Variants in XRCC5 observed in about 807,000 individuals in gnomAD.
XRCC5 encodes the protein DNA repair protein Ku80.
In XRCC5, 12 loss-of-function variants were observed where a neutral mutation model predicts 95.7. The observed-to-expected ratio is 0.13, with a 90% CI of 0.08 to 0.20. The LOEUF is 0.20. XRCC5 is among the 10% of genes least tolerant of loss of function. XRCC5 has a pLI of 1.00. For synonymous variants in XRCC5, 281 were observed against 290.3 expected (o/e 0.97, Z 0.33); for missense variants, 595 against 873.9 (o/e 0.68, Z 4.02).
intron 14 of XRCC5, among the ~76,000 whole-genome samples, chr2:216,153,541 TTAAGTGCTTTACATGATGC>T (rs1454145947): frequency 1.3e-5 from 2 of 152,234 alleles, no homozygotes; most frequent in Non-Finnish European, 2.9e-5. Flanking sequence ...ACTTAATATG[TTAAGTGCTTTACATGATGC>T]TAAGTGCTTT....
intron 13 of XRCC5, among the ~76,000 whole-genome samples, chr2:216,147,870 C>G (rs1466254538): frequency 6.6e-6 from 1 of 152,166 alleles, no homozygotes; most frequent in Non-Finnish European, 1.5e-5. Context: ...GATACTGTTG[C>G]TAGGCTTGGA....
intron 8 of XRCC5, 141 bp from the exon 9 acceptor site, chr2:216,130,734 C>CA (rs1376021375): frequency 1.8e-6 from 1 of 560,996 alleles, no homozygotes; most frequent in Non-Finnish European, 3.1e-6. Context: ...TCACAAGGGG[C>CA]AGTCATCTGA....
At chr2:216,142,311 A>G (rs1697185429) in intron 13 of XRCC5, among the ~76,000 whole-genome samples, 1 of 152,236 alleles carries the variant, frequency 6.6e-6, no homozygotes, top group South Asian at 2.1e-4. Context: ...ACATTTCTCA[A>G]AAATTTCATA....
At chr2:216,185,710 CTG>C (rs1314123836) in intron 16 of XRCC5, among the ~76,000 whole-genome samples, 7 of 146,892 alleles carry the variant, frequency 4.8e-5, no homozygotes, top group African/African-American at 1.8e-4. Context: ...GAATCTCACT[CTG>C]TTGCCCAGGT....
intron 6 of XRCC5, among the ~76,000 whole-genome samples, chr2:216,123,390 G>C (rs575267353): frequency 6.6e-6 from 1 of 152,334 alleles, no homozygotes; most frequent in East Asian, 1.9e-4. Flanking sequence ...AATCCTGTGA[G>C]GTGAAGTTTC....
chr2:216,137,316 TGG>T (rs1245632784), intron 11 of XRCC5, 91 bp downstream of exon 11: 7 of 1,399,938 alleles, frequency 5.0e-6, no homozygotes, highest in African/African-American at 1.4e-5. Context: ...GACAATTACT[TGG>T]GGATCTTGTT....
intron 13 of XRCC5, among the ~76,000 whole-genome samples, chr2:216,143,524 A>G (rs1401564930): frequency 6.6e-6 from 1 of 152,200 alleles, no homozygotes; most frequent in East Asian, 1.9e-4. Flanking sequence ...AGGCATTTTT[A>G]TATTCCAAAG....
At chr2:216,204,568 G>A (rs962082754) in intron 20 of XRCC5, among the ~76,000 whole-genome samples, 172 bp downstream of exon 20, 2 of 152,074 alleles carry the variant, frequency 1.3e-5, no homozygotes, top group African/African-American at 4.8e-5. Context: ...AATCAGATAG[G>A]TAATTTCATA....
At chr2:216,142,596 G>GA (rs748809619) in intron 13 of XRCC5, among the ~76,000 whole-genome samples, 37 of 150,920 alleles carry the variant, frequency 2.5e-4, no homozygotes, top group Admixed American at 4.6e-4. Context: ...CCACAAAACT[G>GA]AAAAAAAAAT....
chr2:216,178,631 A>G (rs375784056), intron 16 of XRCC5, among the ~76,000 whole-genome samples: 7 of 152,348 alleles, frequency 4.6e-5, no homozygotes, highest in African/African-American at 1.2e-4. Context: ...AATCATGACA[A>G]TGTTGGATGT....
At chr2:216,193,609 G>A (rs1689659738) in intron 18 of XRCC5, among the ~76,000 whole-genome samples, 1 of 152,236 alleles carries the variant, frequency 6.6e-6, no homozygotes, top group Non-Finnish European at 1.5e-5. Context: ...ATTGGAATGG[G>A]TAGTGAAGGG....
intron 2 of XRCC5, 95 bp from the exon 3 acceptor site, chr2:216,116,564 G>A: frequency 7.0e-7 from 1 of 1,418,776 alleles, no homozygotes; most frequent in Non-Finnish European, 9.8e-7. Flanking sequence ...ACCTGCCATA[G>A]GGAGGTCTGG....
chr2:216,156,364 G>T, intron 14 of XRCC5: 1 of 716,540 alleles, frequency 1.4e-6, no homozygotes, highest in South Asian at 1.3e-5. Context: ...TGCTGTTGTG[G>T]GGTCTTTGGG....
chr2:216,123,767 C>T (rs191943099), intron 6 of XRCC5, among the ~76,000 whole-genome samples: 1 of 152,338 alleles, frequency 6.6e-6, no homozygotes, highest in Admixed American at 6.5e-5. Flanking sequence ...GATCATGCCA[C>T]TGCACTCCAG....
chr2:216,128,884 A>T (rs1458712701), intron 8 of XRCC5, among the ~76,000 whole-genome samples: 1 of 152,250 alleles, frequency 6.6e-6, no homozygotes, highest in Non-Finnish European at 1.5e-5. Context: ...ACATATTCAA[A>T]GCCCCACAGT....
At chr2:216,147,105 A>T (rs933970649) in intron 13 of XRCC5, among the ~76,000 whole-genome samples, 9 of 146,622 alleles carry the variant, frequency 6.1e-5, no homozygotes, top group African/African-American at 2.5e-4. Context: ...TGGAGGGGCT[A>T]CTTCATATAG....
At chr2:216,128,635 A>G (rs1035079845) in intron 8 of XRCC5, among the ~76,000 whole-genome samples, 1 of 152,186 alleles carries the variant, frequency 6.6e-6, no homozygotes, top group Admixed American at 6.5e-5. Context: ...ACTGGCTCAT[A>G]GTAGGAAGAA....
intron 17 of XRCC5, among the ~76,000 whole-genome samples, chr2:216,191,523 G>A (rs1463889884): frequency 6.6e-6 from 1 of 151,642 alleles, no homozygotes; most frequent in East Asian, 1.9e-4. Flanking sequence ...CGATTCTCCT[G>A]CCTCAGCCTC....
At chr2:216,161,774 A>G (rs1688956869) in intron 15 of XRCC5, among the ~76,000 whole-genome samples, 5 of 152,250 alleles carry the variant, frequency 3.3e-5, no homozygotes, top group Admixed American at 3.3e-4. Context: ...GGTGAGTGAA[A>G]GCACAGAGGG....
Sources: gnomAD v4.1 joint callset for allele counts (sites outside exome capture counted in the v4.1 genomes callset) on GRCh38, gnomAD v4.1.1 for gene constraint, MANE v1.5 for transcripts, NCBI Gene and HGNC (gene_info 2026-07-23, HGNC 2026-07-21) for gene names.